FLACC1: variants seen among roughly 807,000 people sequenced by gnomAD.
FLACC1 encodes the protein flagellum associated containing coiled-coil domains 1.
FLACC1 carries 66 observed loss-of-function variants against 62.8 expected under a neutral mutation model. The observed-to-expected ratio is 1.05, with a 90% CI of 0.86 to 1.29. The LOEUF (loss-of-function observed/expected upper bound fraction) is 1.29. Among genes scored for constraint, FLACC1 ranks in the 50% most tolerant of loss-of-function variants. The pLI is 0.00. For missense variants in FLACC1, 452 were observed against 489.1 expected, an observed-to-expected ratio of 0.92 and a Z score of 0.71; for synonymous variants, 156 against 161.0, an observed-to-expected ratio of 0.97 and a Z score of 0.24.
chr2:201,361,409 T>C (rs937157531), upstream of FLACC1, among the ~76,000 whole-genome samples: 6 of 152,250 alleles, frequency 3.9e-5, no homozygotes, highest in African/African-American at 1.4e-4. Flanking sequence ...GCAAGATTTG[T>C]GCATAATGAA....
At chr2:201,294,747 T>C (rs1241984816) in intron 12 of FLACC1, among the ~76,000 whole-genome samples, 1 of 152,208 alleles carries the variant, frequency 6.6e-6, no homozygotes, top group Non-Finnish European at 1.5e-5. Flanking sequence ...TGTTTGCAGA[T>C]GACATGATTG....
At chr2:201,362,636 C>G in the FLACC1 span, among the ~76,000 whole-genome samples, 16 of 152,272 alleles carry the variant, frequency 1.1e-4, no homozygotes, top group Admixed American at 1.0e-3. Context: ...AGGGAGAGCA[C>G]TTTGTTTCTC....
Position 201,288,459 on chromosome 2 carries a change from A to AT in FLACC1, c.*195dup. On this transcript the variant is annotated 3_prime_UTR_variant, in exon 15 of 15. Transcript: ENST00000392257. ...CTCAGCTCCCAGTATGGAGAGCATCATTTTTCAGTGAAGAGTCCGTGATAA... is the reference window on the plus strand; with the variant it reads ...CTCAGCTCCCAGTATGGAGAGCATCATTTTTTCAGTGAAGAGTCCGTGATAA... The AT allele has an allele frequency of 1.8e-6, 1 of 558,370 alleles. No individual in the cohort carries two copies. The highest frequency in any genetic ancestry group is 3.1e-5 in the East Asian group (1 of 32,338). The allele number at this position is 558,370 out of a possible 1,614,324, so 34.6% of individuals were successfully genotyped here. A position where few individuals can be genotyped will look rare whatever the true frequency, so the allele number is the denominator to read the frequency against.
intron 12 of FLACC1, among the ~76,000 whole-genome samples, chr2:201,293,263 TAGTTGGA>T (rs2125535804): frequency 6.6e-6 from 1 of 152,272 alleles, no homozygotes; most frequent in South Asian, 2.1e-4. Flanking sequence ...ATTGACCACA[TAGTTGGA>T]AGTAAAGCAC....
chr2:201,359,840 T>G (rs997205068), upstream of FLACC1, among the ~76,000 whole-genome samples: 4 of 152,132 alleles, frequency 2.6e-5, no homozygotes, highest in African/African-American at 9.7e-5. Flanking sequence ...ATTGATAGAC[T>G]CTATTAGTCA....
In FLACC1 at chr2:201,351,407, C is replaced by G; in HGVS notation, c.-3G>C. The G allele has an allele frequency of 6.2e-7, 1 of 1,609,678 alleles. No individual in the cohort carries two copies. The highest frequency in any genetic ancestry group is 1.1e-5 in the South Asian group (1 of 90,950). ...TAGATGAGAGGGTTGGGGTACATGG[C>G]CAAAGGTCAGGGGGAGTCTTGGCTG... On this transcript the variant is annotated 5_prime_UTR_variant, in exon 2 of 15. Coordinates refer to ENST00000392257, the MANE Select transcript of FLACC1 (RefSeq NM_001127391.3).
chr2:201,326,072 G>A lies in FLACC1; in HGVS notation c.675+4398C>T, dbSNP rs1002582612. Among the ~76,000 whole-genome samples the A allele has an allele frequency of 1.3e-5, 2 of 152,110 alleles. No homozygotes were observed. Among genetic ancestry groups the A allele is most frequent in the African/African-American group, 4.8e-5 (2 of 41,424 alleles). ...ACAGAATTGAAAACAAAAAACACAT[G>A]ATCATCTCAATAGATTCAGAAAAAG... On this transcript the variant is annotated intron_variant, in intron 9 of 14. Transcript: ENST00000392257. This position sits in a 1 kb window ranked among gnomAD's most constrained non-coding sequence, Gnocchi z 4.1.
chr2:201,303,018 G>T (rs1950019188), intron 11 of FLACC1, among the ~76,000 whole-genome samples: 1 of 151,948 alleles, frequency 6.6e-6, no homozygotes. Context: ...ACAATTAAAA[G>T]AACTAGACAA....
At chr2:201,309,905 C>CTAAAA (rs1950182974) in intron 9 of FLACC1, among the ~76,000 whole-genome samples, 1 of 44,670 alleles carries the variant, frequency 2.2e-5, no homozygotes, top group Admixed American at 2.9e-4. Context: ...GACTCTGTCT[C>CTAAAA]AAAAAAAAAA....
At chr2:201,301,528 C>T (rs1949982987) in intron 11 of FLACC1, among the ~76,000 whole-genome samples, 1 of 152,276 alleles carries the variant, frequency 6.6e-6, no homozygotes, top group Non-Finnish European at 1.5e-5. Context: ...TCCAGGAGAA[C>T]TTCCCCAACC....
At position 201,346,816 on chromosome 2, in the gene FLACC1, A is replaced by G; in HGVS notation, c.235-141T>C. 1.0e-6 allele frequency: 1 copy of G among 979,764 alleles called. No homozygotes were observed. The highest frequency in any genetic ancestry group is 1.6e-5 in the South Asian group (1 of 61,530). The allele number at this position is 979,764 out of a possible 1,614,324, so 60.7% of individuals were successfully genotyped here. The stretch of plus-strand genomic sequence containing the variant: ...CCAAGCCCTTCTGGGCCCTTCACCC[A>G]TTATAGCTCATTCTCACATCTCTCC... On this transcript the variant is annotated intron_variant, in intron 4 of 14. Transcript: ENST00000392257. This position sits in a 1 kb window ranked among gnomAD's most constrained non-coding sequence, Gnocchi z 4.0.
chr2:201,339,757 T>C (rs1950768422), intron 7 of FLACC1, among the ~76,000 whole-genome samples: 1 of 152,248 alleles, frequency 6.6e-6, no homozygotes. Flanking sequence ...TCTAATCTTA[T>C]AAGTGTGCCT....
chr2:201,331,158 G>A (rs1166933565), intron 7 of FLACC1, among the ~76,000 whole-genome samples: 2 of 151,620 alleles, frequency 1.3e-5, no homozygotes, highest in South Asian at 2.1e-4. Flanking sequence ...TTGTAGAGAC[G>A]GGGTCTTGCT....
intron 12 of FLACC1, among the ~76,000 whole-genome samples, chr2:201,291,730 G>A (rs970845281): frequency 1.6e-4 from 25 of 152,184 alleles, no homozygotes; most frequent in African/African-American, 6.0e-4. Context: ...ACTACTCCGA[G>A]CTAAAGGAGA....
intron 11 of FLACC1, among the ~76,000 whole-genome samples, chr2:201,300,929 C>T (rs1366824085): frequency 6.6e-6 from 1 of 152,154 alleles, no homozygotes; most frequent in East Asian, 1.9e-4. Context: ...CTGTACATCA[C>T]CATCATCAAA....
chr2:201,321,115 A>G (rs1402939952), intron 9 of FLACC1, among the ~76,000 whole-genome samples: 1 of 152,224 alleles, frequency 6.6e-6, no homozygotes, highest in East Asian at 1.9e-4. Context: ...ATCAATAACC[A>G]AGGACTCTCA....
chr2:201,344,144 A>T, intron 6 of FLACC1, 26 bp downstream of exon 6: 1 of 1,545,942 alleles, frequency 6.5e-7, no homozygotes, highest in Non-Finnish European at 8.9e-7. Flanking sequence ...GTCCATGAAG[A>T]TGTTAGCTAA....
intron 9 of FLACC1, among the ~76,000 whole-genome samples, chr2:201,315,617 T>C (rs796171790): frequency 2.0e-5 from 3 of 152,164 alleles, no homozygotes; most frequent in African/African-American, 7.2e-5. Flanking sequence ...GCGGACTTCA[T>C]TACTCCACTG....
chr2:201,307,130 C>T (rs765230881), intron 11 of FLACC1, among the ~76,000 whole-genome samples: 6 of 152,078 alleles, frequency 3.9e-5, no homozygotes, highest in Non-Finnish European at 7.4e-5. Flanking sequence ...GGCAAGTTCC[C>T]ATAAAGTTAA....
Sources: allele counts gnomAD v4.1 joint callset (sites outside exome capture counted in the v4.1 genomes callset), GRCh38; gene constraint gnomAD v4.1.1; non-coding constraint Gnocchi (gnomAD v3.1); transcripts MANE v1.5; gene names NCBI Gene and HGNC (gene_info 2026-07-23, HGNC 2026-07-21).